The following SYT1 variants were observed in gnomAD, a reference collection of about 807,000 sequenced individuals.
SYT1 encodes synaptotagmin 1, also known as synaptotagmin-1.
Under a neutral mutation model 44.8 loss-of-function variants are expected in SYT1, and 8 were observed. The ratio of observed to expected loss-of-function variants is 0.18; its 90% CI spans 0.10 to 0.32. The LOEUF (loss-of-function observed/expected upper bound fraction) is 0.32, where lower values mean the gene tolerates loss of function less well. SYT1 is among the 10% of genes least tolerant of loss of function. The pLI is 1.00. For missense variants in SYT1, 286 were observed against 509.3 expected (o/e 0.56, Z 4.22); for synonymous variants, 154 against 188.8 (o/e 0.82, Z 1.51).
chr12:79,369,017 C>G (rs771178126), intron 9 of SYT1, among the ~76,000 whole-genome samples: 1 of 152,204 alleles, frequency 6.6e-6, no homozygotes, highest in Non-Finnish European at 1.5e-5. Context: ...TTTTATAACA[C>G]TTTGATTTGT....
chr12:79,181,695 T>C (rs955623855), intron 3 of SYT1, among the ~76,000 whole-genome samples: 1 of 152,046 alleles, frequency 6.6e-6, no homozygotes, highest in Non-Finnish European at 1.5e-5. Flanking sequence ...GAGACACCAA[T>C]GGGCTTTCAC....
intron 8 of SYT1, among the ~76,000 whole-genome samples, chr12:79,301,992 C>T (rs1184803813): frequency 6.6e-6 from 1 of 152,116 alleles, no homozygotes. Flanking sequence ...ATTCCACTTG[C>T]ATTTTATATC....
chr12:79,412,123 C>T (rs929533956), intron 9 of SYT1, among the ~76,000 whole-genome samples: 2 of 152,152 alleles, frequency 1.3e-5, no homozygotes, highest in African/African-American at 4.8e-5. Context: ...ATCAAGTCCA[C>T]AGTTTGACCT....
chr12:79,173,039 T>C (rs927834705), intron 3 of SYT1, among the ~76,000 whole-genome samples: 2 of 132,398 alleles, frequency 1.5e-5, no homozygotes, highest in African/African-American at 5.8e-5. Flanking sequence ...TAAAATAATG[T>C]GGCAGAAAAG....
At chr12:79,372,457 A>G (rs560756120) in intron 9 of SYT1, among the ~76,000 whole-genome samples, 4 of 152,316 alleles carry the variant, frequency 2.6e-5, no homozygotes, top group Middle Eastern at 3.4e-3. Context: ...TTGTTGTGTG[A>G]TTCCTATGAT....
intron 2 of SYT1, among the ~76,000 whole-genome samples, chr12:78,993,445 T>C (rs1421445060): frequency 6.6e-6 from 1 of 152,234 alleles, no homozygotes; most frequent in African/African-American, 2.4e-5. Context: ...ATAAAGCCTA[T>C]GACATTAGGT....
intron 3 of SYT1, among the ~76,000 whole-genome samples, chr12:79,150,541 GA>G (rs1323857302): frequency 6.6e-6 from 1 of 152,168 alleles, no homozygotes; most frequent in Admixed American, 6.6e-5. Flanking sequence ...CATGGAGACA[GA>G]CCATAGTTAA....
At chr12:79,275,148 T>C (rs1281533607) in intron 4 of SYT1, among the ~76,000 whole-genome samples, 7 of 151,270 alleles carry the variant, frequency 4.6e-5, no homozygotes, top group African/African-American at 1.7e-4. Flanking sequence ...AACCAGAGAG[T>C]TTTTCTCTAT....
At chr12:78,933,896 G>A (rs2137221118) in intron 1 of SYT1, among the ~76,000 whole-genome samples, 1 of 149,550 alleles carries the variant, frequency 6.7e-6, no homozygotes. Context: ...TGCTTTGTGT[G>A]TTTGTCTGTT....
chr12:78,936,437 A>G (rs1050535322), intron 1 of SYT1, among the ~76,000 whole-genome samples: 1 of 152,146 alleles, frequency 6.6e-6, no homozygotes, highest in African/African-American at 2.4e-5. Flanking sequence ...TTAAATCATT[A>G]CATATGTGTT....
At chr12:79,219,793 A>G (rs1016079250) in intron 4 of SYT1, among the ~76,000 whole-genome samples, 1 of 152,104 alleles carries the variant, frequency 6.6e-6, no homozygotes, top group Admixed American at 6.5e-5. Flanking sequence ...GAAGTCAGGT[A>G]GTGTGTTACC....
intron 5 of SYT1, among the ~76,000 whole-genome samples, chr12:79,287,391 C>T (rs1000872355): frequency 6.6e-6 from 1 of 152,068 alleles, no homozygotes; most frequent in African/African-American, 2.4e-5. Flanking sequence ...CTAAAATTTC[C>T]AGGCATGTCT....
intron 8 of SYT1, among the ~76,000 whole-genome samples, chr12:79,352,927 A>G (rs1882970247): frequency 6.6e-6 from 1 of 152,218 alleles, no homozygotes; most frequent in Non-Finnish European, 1.5e-5. Context: ...CTCACTTAAG[A>G]TGAGTAATAC....
intron 1 of SYT1, among the ~76,000 whole-genome samples, chr12:78,921,854 A>C (rs1877023116): frequency 6.6e-6 from 1 of 151,960 alleles, no homozygotes; most frequent in Non-Finnish European, 1.5e-5. Context: ...AAAGATGATG[A>C]GGATGAGGTG....
At chr12:79,345,914 A>T (rs1282409798) in intron 8 of SYT1, among the ~76,000 whole-genome samples, 2 of 152,214 alleles carry the variant, frequency 1.3e-5, no homozygotes, top group Non-Finnish European at 2.9e-5. Flanking sequence ...CCTCTAAACA[A>T]GACTCCCAAC....
rs147791215 is a variant in SYT1, at chr12:79,238,219, A to G, written c.166+20534A>G. The stretch of plus-strand genomic sequence containing the variant: ...AGAAAGCATGTGACCCCGTTTTCTA[A>G]GAACTTTTAATGCCATCCTAAGCAG... On this transcript the variant is annotated intron_variant, in intron 4 of 10. Coordinates refer to ENST00000261205, the MANE Select transcript of SYT1 (RefSeq NM_005639.3). Among the ~76,000 whole-genome samples, 477 of 149,550 alleles carry G rather than the reference A, an allele frequency of 3.2e-3. 3 individuals carry two copies. The highest frequency in any genetic ancestry group is 4.3e-3 in the Non-Finnish European group (290 of 67,728).
At chr12:79,363,587 T>A (rs1182191547) in intron 9 of SYT1, among the ~76,000 whole-genome samples, 6 of 140,644 alleles carry the variant, frequency 4.3e-5, no homozygotes, top group Non-Finnish European at 7.7e-5. Context: ...AAAAAAAAAA[T>A]AGCCAGGAAT....
At chr12:79,395,717 T>C (rs1293991774) in intron 9 of SYT1, among the ~76,000 whole-genome samples, 2 of 150,570 alleles carry the variant, frequency 1.3e-5, no homozygotes, top group Admixed American at 1.3e-4. Context: ...TCTACTTGAT[T>C]CATAAAGATA....
In SYT1 at chr12:79,450,791, A is replaced by G. The variant is rs1871014410; in HGVS notation, c.*1667A>G. 6.5e-6 allele frequency: 1 copy of G among 152,686 alleles called. No individual in the cohort carries two copies. 9.5% of individuals were successfully genotyped at this position (152,686 alleles called of 1,614,324 possible). A position where few individuals can be genotyped will look rare whatever the true frequency, so the allele number is the denominator to read the frequency against. On this transcript the variant is annotated 3_prime_UTR_variant, in exon 11 of 11. Coordinates refer to ENST00000261205, the MANE Select transcript of SYT1 (RefSeq NM_005639.3). ...AGATACATAGAATGGGGTGGAACAC[A>G]GCATTTTGTCAAGCACTGTGCAATA...
Sources: allele counts gnomAD v4.1 joint callset (sites outside exome capture counted in the v4.1 genomes callset), GRCh38; gene constraint gnomAD v4.1.1; transcripts MANE v1.5; gene names NCBI Gene and HGNC (gene_info 2026-07-23, HGNC 2026-07-21).